Variants in PRKG2 observed in about 807,000 individuals in gnomAD.
PRKG2 encodes protein kinase cGMP-dependent 2.
In PRKG2, 33 loss-of-function variants were observed where a neutral mutation model predicts 97.2. The observed-to-expected ratio is 0.34, with a 90% CI of 0.26 to 0.45. PRKG2 has a LOEUF of 0.45. Among genes scored for constraint, PRKG2 ranks in the 20% least tolerant of loss-of-function variants. The pLI is 1.00. For missense variants in PRKG2, 638 were observed against 900.0 expected (o/e 0.71, Z 3.73); for synonymous variants, 330 against 321.8 (o/e 1.03, Z -0.27).
chr4:81,113,131 T>A (rs1744149328), intron 14 of PRKG2, among the ~76,000 whole-genome samples: 1 of 152,124 alleles, frequency 6.6e-6, no homozygotes, highest in African/African-American at 2.4e-5. Flanking sequence ...CCAGCGTGGC[T>A]GGGCAAAAAT....
chr4:81,161,371 C>A (rs1469615322), intron 6 of PRKG2, among the ~76,000 whole-genome samples: 1 of 152,186 alleles, frequency 6.6e-6, no homozygotes, highest in African/African-American at 2.4e-5. Flanking sequence ...CGCATTAGTT[C>A]TCTATTGCTG....
chr4:81,139,921 A>C (rs28669336), intron 12 of PRKG2, among the ~76,000 whole-genome samples: 14,383 of 152,122 alleles, frequency 0.095, 2,280 homozygotes, highest in African/African-American at 0.33. Flanking sequence ...TCTTTCTGTC[A>C]TCTTGCATGG....
chr4:81,199,255 C>G (rs950034332), intron 2 of PRKG2, among the ~76,000 whole-genome samples: 1 of 152,024 alleles, frequency 6.6e-6, no homozygotes, highest in African/African-American at 2.4e-5. Context: ...CTGCAAACTG[C>G]TAATAGAGTA....
chr4:81,108,846 G>C (rs529325964), intron 15 of PRKG2, among the ~76,000 whole-genome samples: 91 of 152,306 alleles, frequency 6.0e-4, no homozygotes, highest in African/African-American at 2.1e-3. Flanking sequence ...GCAGTGACCA[G>C]TGATCACACC....
chr4:81,189,093 G>GAA (rs1752228679), intron 2 of PRKG2, among the ~76,000 whole-genome samples: 1 of 22,402 alleles, frequency 4.5e-5, no homozygotes, highest in East Asian at 1.7e-3. Context: ...AAAAAAAAAA[G>GAA]AAGCTAGCAA....
At position 81,194,881 on chromosome 4, in the gene PRKG2, T is replaced by G. The variant is rs368046261; in HGVS notation, c.461+9706A>C. Among the ~76,000 whole-genome samples the G allele has an allele frequency of 1.2e-4, 18 of 152,186 alleles. No individual in the cohort carries two copies. The East Asian group carries it at 2.3e-3, about 20-fold the overall frequency. On this transcript the variant is annotated intron_variant, in intron 2 of 18. Coordinates refer to ENST00000264399, the MANE Select transcript of PRKG2 (RefSeq NM_006259.3). ...GCTCCTATAACACAATGCTCCTCAA[T>G]GGTGGCTTCATATGAGAATCAGCAG...
At chr4:81,191,416 T>C (rs879316637) in intron 2 of PRKG2, among the ~76,000 whole-genome samples, 3 of 151,764 alleles carry the variant, frequency 2.0e-5, no homozygotes, top group Non-Finnish European at 4.4e-5. Context: ...GGGAACATCA[T>C]ACACTGGGGC....
intron 17 of PRKG2, among the ~76,000 whole-genome samples, chr4:81,098,906 C>T (rs531946596): frequency 6.6e-6 from 1 of 152,294 alleles, no homozygotes; most frequent in East Asian, 1.9e-4. Context: ...AAAAATGGCC[C>T]TGATAGACTT....
At chr4:81,162,177 G>T (rs770642275) in intron 6 of PRKG2, among the ~76,000 whole-genome samples, 1 of 152,016 alleles carries the variant, frequency 6.6e-6, no homozygotes. Flanking sequence ...TAGTTAAGAC[G>T]GTGTATCTAA....
At chr4:81,200,705 G>A (rs1401107703) in intron 2 of PRKG2, among the ~76,000 whole-genome samples, 9 of 152,240 alleles carry the variant, frequency 5.9e-5, no homozygotes, top group African/African-American at 1.2e-4. Flanking sequence ...CTCTAGTAAG[G>A]GGGGTAGCAT....
intron 7 of PRKG2, 63 bp from the exon 8 acceptor site, chr4:81,152,117 A>T: frequency 7.8e-7 from 1 of 1,274,900 alleles, no homozygotes. Flanking sequence ...CTGAACACAC[A>T]TTCATTCAAC....
At chr4:81,178,707 T>A (rs916957408) in intron 2 of PRKG2, among the ~76,000 whole-genome samples, 1 of 149,590 alleles carries the variant, frequency 6.7e-6, no homozygotes, top group African/African-American at 2.5e-5. Flanking sequence ...AACAAAAAAC[T>A]AAAAATCAAA....
intron 2 of PRKG2, among the ~76,000 whole-genome samples, chr4:81,184,339 A>T (rs1751690356): frequency 1.3e-5 from 2 of 152,202 alleles, no homozygotes; most frequent in African/African-American, 4.8e-5. Context: ...TCTGCTGGTG[A>T]TACCCATGCA....
At chr4:81,111,616 A>G (rs1455109392) in intron 14 of PRKG2, among the ~76,000 whole-genome samples, 2 of 152,110 alleles carry the variant, frequency 1.3e-5, no homozygotes, top group African/African-American at 2.4e-5. Flanking sequence ...CTCCCAGGGT[A>G]ATGAATCAGT....
chr4:81,185,441 AC>A (rs1249634016), intron 2 of PRKG2, among the ~76,000 whole-genome samples: 1 of 152,224 alleles, frequency 6.6e-6, no homozygotes, highest in Non-Finnish European at 1.5e-5. Flanking sequence ...AGATTTTGTC[AC>A]CACCAGGCCT....
chr4:81,188,016 A>G (rs923366875), intron 2 of PRKG2, among the ~76,000 whole-genome samples: 5 of 152,236 alleles, frequency 3.3e-5, no homozygotes, highest in African/African-American at 1.2e-4. Flanking sequence ...GCCAAAATTG[A>G]TAAATGGGAT....
At chr4:81,150,419 GAAT>G (rs1748271594) in intron 8 of PRKG2, among the ~76,000 whole-genome samples, 1 of 152,136 alleles carries the variant, frequency 6.6e-6, no homozygotes. Flanking sequence ...GAAATATACA[GAAT>G]ATAAGGATTA....
At chr4:81,096,893 A>G (rs1578327576) in intron 17 of PRKG2, among the ~76,000 whole-genome samples, 1 of 152,022 alleles carries the variant, frequency 6.6e-6, no homozygotes, top group East Asian at 1.9e-4. Context: ...CTTTTTCCAG[A>G]CTCCTATTGA....
intron 14 of PRKG2, among the ~76,000 whole-genome samples, chr4:81,126,975 G>A (rs1275436289): frequency 6.6e-6 from 1 of 152,134 alleles, no homozygotes; most frequent in Non-Finnish European, 1.5e-5. Context: ...TACCGCCTAG[G>A]TTTCCTTCTA....
Sources: gnomAD v4.1 joint callset for allele counts (sites outside exome capture counted in the v4.1 genomes callset) on GRCh38, gnomAD v4.1.1 for gene constraint, MANE v1.5 for transcripts, NCBI Gene and HGNC (gene_info 2026-07-23, HGNC 2026-07-21) for gene names.